FYB2: variants seen among roughly 807,000 people sequenced by gnomAD.
FYB2 encodes FYN-binding protein 2.
FYB2 carries 103 observed loss-of-function variants against 94.1 expected under a neutral mutation model. The ratio of observed to expected loss-of-function variants is 1.09; its 90% confidence interval spans 0.93 to 1.29. The LOEUF is 1.29. FYB2 is among the 50% of genes most tolerant of loss of function. FYB2 has a pLI of 0.00. For missense variants in FYB2, 896 were observed against 841.5 expected (o/e 1.06, Z -0.80); for synonymous variants, 293 against 287.9 (o/e 1.02, Z -0.18).
intron 6 of FYB2, among the ~76,000 whole-genome samples, chr1:56,756,921 T>C (rs1205837600): frequency 1.3e-5 from 2 of 152,068 alleles, no homozygotes; most frequent in African/African-American, 4.8e-5. Flanking sequence ...TGACTTGTGG[T>C]AGTTTGGTGT....
At chr1:56,751,737 G>A (rs968650747) in intron 8 of FYB2, among the ~76,000 whole-genome samples, 1 of 151,948 alleles carries the variant, frequency 6.6e-6, no homozygotes, top group South Asian at 2.1e-4. Context: ...TCTAGCATTT[G>A]TCAAGCACTT....
At chr1:56,818,630 C>A (rs936569634) in intron 1 of FYB2, among the ~76,000 whole-genome samples, 1 of 152,180 alleles carries the variant, frequency 6.6e-6, no homozygotes. Context: ...AGCACTCAGC[C>A]ATCCAAGGGG....
At chr1:56,748,486 C>T (rs1287039830) in intron 9 of FYB2, among the ~76,000 whole-genome samples, 1 of 152,002 alleles carries the variant, frequency 6.6e-6, no homozygotes, top group Middle Eastern at 3.2e-3. Flanking sequence ...TTTCCCAGCA[C>T]CATTTATCAA....
At chr1:56,801,114 T>C (rs1186815956) in intron 1 of FYB2, among the ~76,000 whole-genome samples, 1 of 151,994 alleles carries the variant, frequency 6.6e-6, no homozygotes, top group Non-Finnish European at 1.5e-5. Context: ...GTCTGCAAAA[T>C]TCCTCATGTC....
chr1:56,786,082 T>C (rs1183208004), intron 4 of FYB2, among the ~76,000 whole-genome samples: 1 of 152,108 alleles, frequency 6.6e-6, no homozygotes, highest in Non-Finnish European at 1.5e-5. Flanking sequence ...TGGTGCCAAG[T>C]CAAGGTGCCC....
intron 9 of FYB2, among the ~76,000 whole-genome samples, chr1:56,748,938 C>A (rs1645131792): frequency 6.6e-6 from 1 of 151,590 alleles, no homozygotes; most frequent in South Asian, 2.1e-4. Flanking sequence ...TCTTATTTTT[C>A]TTTCATTTGT....
intron 9 of FYB2, among the ~76,000 whole-genome samples, chr1:56,750,354 A>G (rs967647296): frequency 6.6e-6 from 1 of 151,964 alleles, no homozygotes; most frequent in Non-Finnish European, 1.5e-5. Flanking sequence ...TTTATTCCAG[A>G]TCCTATGACT....
At chr1:56,800,497 A>C (rs919111152) in intron 1 of FYB2, among the ~76,000 whole-genome samples, 1 of 152,112 alleles carries the variant, frequency 6.6e-6, no homozygotes, top group Admixed American at 6.6e-5. Context: ...TAATTAATTA[A>C]ATAAAATAAA....
chr1:56,814,552 A>G (rs112620521), intron 1 of FYB2, among the ~76,000 whole-genome samples: 8 of 152,346 alleles, frequency 5.3e-5, no homozygotes, highest in African/African-American at 1.4e-4. Flanking sequence ...ACAATTCAAG[A>G]GGACTCTGAG....
At chr1:56,820,381 G>A (rs1646977336), upstream of FYB2, among the ~76,000 whole-genome samples, 1 of 152,208 alleles carries the variant, frequency 6.6e-6, no homozygotes, top group African/African-American at 2.4e-5. Context: ...TTGTTTGTTT[G>A]TTTTTCTGAC....
At chr1:56,736,753 T>C (rs1384366188) in intron 15 of FYB2, among the ~76,000 whole-genome samples, 3 of 152,138 alleles carry the variant, frequency 2.0e-5, no homozygotes, top group Non-Finnish European at 4.4e-5. Flanking sequence ...AGTCCTTGAA[T>C]ACAGACGTTC....
chr1:56,784,144 C>T (rs1335601591), intron 4 of FYB2, among the ~76,000 whole-genome samples: 1 of 152,016 alleles, frequency 6.6e-6, no homozygotes, highest in African/African-American at 2.4e-5. Flanking sequence ...CACAAAGACT[C>T]CTGTTTTATA....
At chr1:56,778,501 C>G (rs145046507) in intron 4 of FYB2, among the ~76,000 whole-genome samples, 5 of 152,236 alleles carry the variant, frequency 3.3e-5, no homozygotes, top group African/African-American at 1.2e-4. Context: ...ACTGGGAACT[C>G]TTTGACAGGT....
At chr1:56,733,532 C>T (rs1102187) in intron 15 of FYB2, among the ~76,000 whole-genome samples, 1,861 of 152,072 alleles carry the variant, frequency 0.012, 31 homozygotes, top group South Asian at 0.085. Flanking sequence ...GTTAGGGTGT[C>T]GATTTTAGAT....
intron 1 of FYB2, among the ~76,000 whole-genome samples, chr1:56,794,786 G>A (rs1326067404): frequency 6.6e-6 from 1 of 152,106 alleles, no homozygotes; most frequent in African/African-American, 2.4e-5. Flanking sequence ...GAAATCAGGA[G>A]ATCTGAGTGT....
At chr1:56,771,732 C>A (rs973771407) in intron 4 of FYB2, among the ~76,000 whole-genome samples, 3 of 152,110 alleles carry the variant, frequency 2.0e-5, no homozygotes, top group Admixed American at 1.3e-4. Context: ...AACCTCTGAA[C>A]GTTAATACAA....
Position 56,812,924 on chromosome 1 carries a change from G to C in FYB2, c.9+6358C>G, listed in dbSNP as rs558602474. Among the ~76,000 whole-genome samples, 4 of 152,194 alleles carry C rather than the reference G, an allele frequency of 2.6e-5. No individual in the cohort carries two copies. In the South Asian group the frequency reaches 6.2e-4, roughly 24 times the overall value. On this transcript the variant is annotated intron_variant, in intron 1 of 19. Transcript: ENST00000343433. Reference sequence around the variant, plus strand: ...CACAGCAAGTACCACAGACTATGTGGCTTCAACAAGAGAAATGTATTGCCT... The same window carrying C: ...CACAGCAAGTACCACAGACTATGTGCCTTCAACAAGAGAAATGTATTGCCT...
intron 9 of FYB2, among the ~76,000 whole-genome samples, chr1:56,745,258 G>A (rs1645042440): frequency 1.3e-5 from 2 of 151,974 alleles, no homozygotes; most frequent in African/African-American, 4.8e-5. Flanking sequence ...TAAAAACACT[G>A]ACGACTCTCA....
At chr1:56,765,395 A>G (rs1645597738) in intron 5 of FYB2, among the ~76,000 whole-genome samples, 3 of 152,128 alleles carry the variant, frequency 2.0e-5, no homozygotes, top group Admixed American at 2.0e-4. Flanking sequence ...TTTTATTACC[A>G]CCTGGCAGGG....
Sources: allele counts gnomAD v4.1 joint callset (sites outside exome capture counted in the v4.1 genomes callset), GRCh38; gene constraint gnomAD v4.1.1; transcripts MANE v1.5; gene names NCBI Gene and HGNC (gene_info 2026-07-23, HGNC 2026-07-21).